Variants in FBXO27 observed in about 807,000 individuals in gnomAD.
The protein encoded by FBXO27 is F-box protein 27.
Under a neutral mutation model 28.3 loss-of-function variants are expected in FBXO27, and 28 were observed. That is an observed-to-expected ratio of 0.99 (90% CI 0.73 to 1.36). FBXO27 has a LOEUF of 1.36. Ranked by LOEUF, FBXO27 falls within the 40% of genes most tolerant of loss-of-function variation. The pLI is 0.00. For synonymous variants in FBXO27, 175 were observed against 167.3 expected (o/e 1.05, Z -0.36); for missense variants, 388 against 394.1 (o/e 0.98, Z 0.13).
At position 39,025,487 on chromosome 19, in the gene FBXO27, T is replaced by A. The variant is rs1308628122; in HGVS notation, c.776A>T (p.Asp259Val). 1.9e-5 allele frequency: 30 copies of A among 1,614,034 alleles called. No homozygotes were observed. Among genetic ancestry groups the A allele is most frequent in the Non-Finnish European group, 2.2e-5 (26 of 1,180,026 alleles). Reference sequence around the variant, plus strand: ...ATAGTGGCCAGCCCAGAACTGTGTGTCCTGGCCCCGGTGTTCGAAAGACAC... The same window carrying A: ...ATAGTGGCCAGCCCAGAACTGTGTGACCTGGCCCCGGTGTTCGAAAGACAC... The part of the protein sequence containing the change: ...RFVSFEHRGQ[D>V]TQFWAGHYGA... The change falls in exon 6 of 6, where the codon GAC (aspartate) becomes GTC (valine). Residue 259 changes from aspartate to valine, a missense_variant. Asp to Val is a radical substitution (Grantham distance 152, BLOSUM62 -3). Transcript: ENST00000292853.
chr19:39,032,160 G>A lies in FBXO27; in HGVS notation c.68C>T (p.Ala23Val). Reference protein sequence around the residue: ...VPAPEPEPEEALDLSQLPPEL... With the variant: ...VPAPEPEPEEVLDLSQLPPEL... ...TGGGGGTAGTTGGCTCAGGTCCAGC[G>A]CCTCTTCGGGTTCCGGCTCCGGCGC... The change falls in exon 2 of 6, where the codon GCG becomes GTG. Residue 23 changes from alanine to valine, a missense_variant. Physicochemically the swap from Ala to Val is moderately conservative, Grantham distance 64. Transcript: ENST00000292853. This position sits in a 1 kb window ranked among gnomAD's most constrained non-coding sequence, Gnocchi z 4.7. The A allele has an allele frequency of 6.5e-7, 1 of 1,532,086 alleles. No individual in the cohort carries two copies. The highest frequency in any genetic ancestry group is 8.7e-7 in the Non-Finnish European group (1 of 1,145,050). 94.9% of individuals were successfully genotyped at this position (1,532,086 alleles called of 1,614,324 possible). A position where few individuals can be genotyped will look rare whatever the true frequency, so the allele number is the denominator to read the frequency against.
downstream of FBXO27, among the ~76,000 whole-genome samples, chr19:39,022,704 C>T (rs1377788030): frequency 6.6e-6 from 1 of 152,172 alleles, no homozygotes; most frequent in African/African-American, 2.4e-5. Context: ...GCAACCTCTG[C>T]CTCCCGGGTT....
chr19:39,012,994 A>T (rs1184884739), intron 2 of FBXO27, among the ~76,000 whole-genome samples: 2 of 152,118 alleles, frequency 1.3e-5, no homozygotes, highest in Admixed American at 6.6e-5. Flanking sequence ...CGAACAAACA[A>T]ACAACAGAAA....
chr19:39,025,618 G>A, intron 5 of FBXO27, 64 bp from the exon 6 acceptor site: 1 of 1,533,300 alleles, frequency 6.5e-7, no homozygotes. Flanking sequence ...CTGAGGTTAG[G>A]GCCTTCTGGA....
At chr19:39,012,325 C>T (rs946785765) in intron 2 of FBXO27, among the ~76,000 whole-genome samples, 6 of 151,886 alleles carry the variant, frequency 4.0e-5, no homozygotes, top group African/African-American at 1.5e-4. Flanking sequence ...GCTGCGATTA[C>T]AGGCATGGGC....
At chr19:39,019,379 C>T (rs71356830), downstream of FBXO27, among the ~76,000 whole-genome samples, 2 of 114,918 alleles carry the variant, frequency 1.7e-5, no homozygotes, top group South Asian at 3.1e-4. Context: ...GAGCCGAGAT[C>T]GTGCCATTGC....
downstream of FBXO27, among the ~76,000 whole-genome samples, chr19:39,020,360 C>T (rs1324242216): frequency 2.0e-5 from 3 of 152,052 alleles, no homozygotes; most frequent in Non-Finnish European, 2.9e-5. Context: ...AAGTACCTTG[C>T]CAGTTAGTTA....
chr19:39,022,114 G>A (rs1201950501), downstream of FBXO27, among the ~76,000 whole-genome samples: 1 of 138,888 alleles, frequency 7.2e-6, no homozygotes, highest in Non-Finnish European at 1.6e-5. Context: ...TTGAAACTTT[G>A]TGGAAGTTTT....
chr19:39,032,398 G>T lies in FBXO27; in HGVS notation c.-27+105C>A. 1.1e-6 allele frequency: 1 copy of T among 929,640 alleles called. No homozygotes were observed. The highest frequency in any genetic ancestry group is 1.5e-6 in the Non-Finnish European group (1 of 676,576). 57.6% of individuals were successfully genotyped at this position (929,640 alleles called of 1,614,324 possible). On this transcript the variant is annotated intron_variant, in intron 1 of 5. Transcript: ENST00000292853. The surrounding 1 kb of genome is among the most constrained non-coding windows in gnomAD (Gnocchi z 4.7). ...AGTCCCCATCCCCCAGCCCGTCCTT[G>T]ATAGCCCCGATATCCCGGAGACCCC...
chr19:39,010,297 T>C (rs2072788724), intron 2 of FBXO27, among the ~76,000 whole-genome samples: 2 of 152,126 alleles, frequency 1.3e-5, no homozygotes, highest in East Asian at 3.9e-4. Flanking sequence ...CTGTAGATGG[T>C]GTGAGATAGG....
intron 2 of FBXO27, 62 bp from the exon 3 acceptor site, chr19:39,031,382 A>T: frequency 3.4e-6 from 5 of 1,483,906 alleles, no homozygotes; most frequent in Non-Finnish European, 4.7e-6. Context: ...TCCTAGTGAG[A>T]CCCCGCCCCT....
chr19:39,023,258 G>C (rs180888165), downstream of FBXO27, among the ~76,000 whole-genome samples: 1 of 152,208 alleles, frequency 6.6e-6, no homozygotes. Flanking sequence ...CCAATCTACA[G>C]TTGGTTGAAT....
At chr19:39,014,915 G>T (rs1332580241) in intron 1 of FBXO27, among the ~76,000 whole-genome samples, 1 of 151,834 alleles carries the variant, frequency 6.6e-6, no homozygotes, top group Admixed American at 6.6e-5. Context: ...CTACTTGGGA[G>T]GCTGAGGCAA....
In FBXO27 at chr19:39,026,995, G is replaced by A. The variant is rs148842661; in HGVS notation, c.583C>T (p.Arg195Ter). 122 of 1,613,968 alleles carry A rather than the reference G, an allele frequency of 7.6e-5. No homozygotes were observed. Among genetic ancestry groups the A allele is most frequent in the South Asian group, 2.9e-4 (26 of 91,074 alleles). Residue 195 changes from arginine to a stop codon, truncating the protein, a stop_gained, in exon 5 of 6, where the codon CGA becomes TGA. Transcript: ENST00000292853. LOFTEE classifies it high-confidence loss of function. ...CTGTACATACAGCCGCTGTCGTGTC[G>A]GGCTCCCCACCTGTGGGAGGAAGGA... is the stretch of plus-strand genomic sequence containing the variant. ...EICVSDWWGA[R>*]HDSGCMYRLL...
intron 1 of FBXO27, among the ~76,000 whole-genome samples, chr19:39,015,147 C>A (rs1056350691): frequency 6.6e-6 from 1 of 150,848 alleles, no homozygotes; most frequent in Non-Finnish European, 1.5e-5. Context: ...AAAACCCCCT[C>A]TCTACAAAAA....
intron 2 of FBXO27, 78 bp downstream of exon 2, chr19:39,031,762 CTGCGGCCCCTAGTACCGGTCCCAG>C: frequency 8.1e-7 from 1 of 1,230,538 alleles, no homozygotes; most frequent in Non-Finnish European, 1.0e-6. Context: ...GGCCCTGCCC[CTGCGGCCCCTAGTACCGGTCCCAG>C]TGCGGCCCCG....
downstream of FBXO27, among the ~76,000 whole-genome samples, chr19:39,023,768 C>T (rs139798126): frequency 1.3e-5 from 2 of 152,276 alleles, no homozygotes; most frequent in East Asian, 3.9e-4. Context: ...CGCGTGCCAC[C>T]ATGCCTGGCT....
rs773417532 is a variant in FBXO27 at position 39,025,574 on chromosome 19, TC to T, written c.709-21del. ...GGTGACCTGTAGGCAGAGGAGGGGC[TC>T]AGCTCCATTGTGCCACAGCCTCCCC... On this transcript the variant is annotated intron_variant, in intron 5 of 5. Coordinates refer to ENST00000292853, the MANE Select transcript of FBXO27 (RefSeq NM_178820.5). The T allele has an allele frequency of 1.2e-6, 2 of 1,605,404 alleles. No homozygotes were observed. Among genetic ancestry groups the T allele is most frequent in the South Asian group, 2.2e-5 (2 of 89,912 alleles).
At chr19:39,021,005 C>T (rs778585140), downstream of FBXO27, among the ~76,000 whole-genome samples, 1 of 152,098 alleles carries the variant, frequency 6.6e-6, no homozygotes, top group Non-Finnish European at 1.5e-5. Flanking sequence ...CAGGCACCCG[C>T]CACCACGCCC....
Sources: gnomAD v4.1 joint callset for allele counts (sites outside exome capture counted in the v4.1 genomes callset) on GRCh38, gnomAD v4.1.1 for gene constraint, Gnocchi (gnomAD v3.1) non-coding constraint, MANE v1.5 for transcripts, NCBI Gene and HGNC (gene_info 2026-07-23, HGNC 2026-07-21) for gene names.